The following POP1 variants were observed in gnomAD, a reference collection of about 807,000 sequenced individuals.
POP1 encodes the protein POP1 ribonuclease P/MRP subunit, also known as ribonucleases P/MRP protein subunit POP1.
Under a neutral mutation model 102.2 loss-of-function variants are expected in POP1, and 75 were observed. That is an observed-to-expected ratio of 0.73 (90% CI 0.61 to 0.89). The LOEUF (loss-of-function observed/expected upper bound fraction) is 0.89, where lower values mean the gene tolerates loss of function less well. Among genes scored for constraint, POP1 ranks in the 40% least tolerant of loss-of-function variants. The pLI is 0.00. For synonymous variants in POP1, 436 were observed against 464.1 expected, an observed-to-expected ratio of 0.94 and a Z score of 0.78; for missense variants, 1,116 against 1,267.4, an observed-to-expected ratio of 0.88 and a Z score of 1.81.
At chr8:98,154,520 A>G (rs1044396721) in intron 14 of POP1, among the ~76,000 whole-genome samples, 3 of 152,126 alleles carry the variant, frequency 2.0e-5, no homozygotes, top group African/African-American at 7.2e-5. Flanking sequence ...GTTGGCAGTG[A>G]CCACACCTAA....
At chr8:98,124,121 C>T (rs891817065) in intron 2 of POP1, among the ~76,000 whole-genome samples, 4 of 152,156 alleles carry the variant, frequency 2.6e-5, no homozygotes, top group African/African-American at 7.2e-5. Context: ...CAGGGCAGTA[C>T]AGTGCAGGAA....
chr8:98,130,374 C>G, intron 5 of POP1, 148 bp downstream of exon 5: 3 of 1,181,772 alleles, frequency 2.5e-6, no homozygotes, highest in Non-Finnish European at 3.6e-6. Context: ...GGTCCTTTGC[C>G]AGATGCTGGA....
At chr8:98,137,348 G>T (rs1166284740) in intron 9 of POP1, among the ~76,000 whole-genome samples, 1 of 151,932 alleles carries the variant, frequency 6.6e-6, no homozygotes, top group African/African-American at 2.4e-5. Flanking sequence ...TGTTGCCCAG[G>T]CTGGAATGCA....
chr8:98,140,859 A>C lies in POP1; in HGVS notation c.1565A>C (p.Lys522Thr). 6.2e-7 allele frequency: 1 copy of C among 1,614,090 alleles called. No individual in the cohort carries two copies. Among genetic ancestry groups the C allele is most frequent in the Non-Finnish European group, 8.5e-7 (1 of 1,179,950 alleles). Residue 522 changes from lysine (K) to threonine (T), a missense_variant, in exon 11 of 16, where the codon AAA (lysine) becomes ACA (threonine). Lys to Thr is a moderately conservative substitution (Grantham distance 78). Coordinates refer to ENST00000401707, the MANE Select transcript of POP1 (RefSeq NM_001145860.2). ...ATAAATTTGCCCCAAAAGAAGTCCA[A>C]AGCTTTGCCCAATCCAGAAAAATGC... ...PRINLPQKKS[K>T]ALPNPEKCQD... is the part of the protein sequence containing the mutation.
At chr8:98,128,863 G>A (rs540662932) in intron 4 of POP1, among the ~76,000 whole-genome samples, 40 of 152,268 alleles carry the variant, frequency 2.6e-4, no homozygotes, top group African/African-American at 9.4e-4. Context: ...GGTTGAGGCT[G>A]CAATGAGCTG....
rs1809485835 is a variant in POP1 at position 98,150,479 on chromosome 8, T to G, written c.1903-6T>G. 1.9e-6 allele frequency: 3 copies of G among 1,613,816 alleles called. No homozygotes were observed. The African/African-American group carries it at 4.0e-5, about 22-fold the overall frequency. ...ACTGACAGTATCTTTTTGACATTTC[T>G]TTTAGATTTATCGAGGTGTGAGAGT... On this transcript the variant is annotated splice_polypyrimidine_tract_variant and splice_region_variant and intron_variant, in intron 13 of 15. Coordinates refer to ENST00000401707, the MANE Select transcript of POP1 (RefSeq NM_001145860.2).
intron 2 of POP1, among the ~76,000 whole-genome samples, chr8:98,127,031 G>A (rs1002627140): frequency 9.2e-5 from 14 of 152,014 alleles, no homozygotes; most frequent in African/African-American, 3.4e-4. Context: ...ATGAAGGAGC[G>A]GGCAGGTTTG....
intron 1 of POP1, among the ~76,000 whole-genome samples, chr8:98,121,883 C>G (rs1563769071): frequency 6.6e-6 from 1 of 151,940 alleles, no homozygotes; most frequent in East Asian, 1.9e-4. Context: ...GACGGGGTTT[C>G]ACTGTGTTAG....
intron 10 of POP1, 138 bp downstream of exon 10, chr8:98,140,327 G>A: frequency 4.1e-6 from 3 of 723,992 alleles, no homozygotes. Flanking sequence ...GTAAGAGAGG[G>A]ACTGAACTCA....
intron 6 of POP1, 92 bp downstream of exon 6, chr8:98,134,128 A>G: frequency 1.0e-6 from 1 of 963,636 alleles, no homozygotes; most frequent in East Asian, 2.5e-5. Context: ...TTGGAATTCA[A>G]ACATATAGAA....
Position 98,150,473 on chromosome 8 carries a change from C to G in POP1, c.1903-12C>G, listed in dbSNP as rs1425628188. The stretch of plus-strand genomic sequence containing the variant: ...TGGTAGACTGACAGTATCTTTTTGA[C>G]ATTTCTTTTAGATTTATCGAGGTGT... On this transcript the variant is annotated splice_polypyrimidine_tract_variant and intron_variant, in intron 13 of 15. Transcript: ENST00000401707. The G allele has an allele frequency of 1.2e-6, 2 of 1,613,624 alleles. No individual in the cohort carries two copies. Among genetic ancestry groups the G allele is most frequent in the South Asian group, 2.2e-5 (2 of 91,078 alleles).
chr8:98,157,539 A>G lies in POP1; in HGVS notation c.2421-78A>G, dbSNP rs982569776. The G allele has an allele frequency of 4.7e-6, 7 of 1,486,904 alleles. No homozygotes were observed. In the African/African-American group the frequency reaches 9.7e-5, roughly 21 times the overall value. The allele number at this position is 1,486,904 out of a possible 1,614,324, so 92.1% of individuals were successfully genotyped here. A position where few individuals can be genotyped will look rare whatever the true frequency, so the allele number is the denominator to read the frequency against. ...AGTATAAAAGAATCAAATTAATTCT[A>G]GCAGTGTCTAATCTTCTGATTGCAT... On this transcript the variant is annotated intron_variant, in intron 15 of 15. Transcript: ENST00000401707.
chr8:98,132,985 G>A (rs1407605483), intron 5 of POP1, among the ~76,000 whole-genome samples: 3 of 148,142 alleles, frequency 2.0e-5, no homozygotes, highest in African/African-American at 7.5e-5. Context: ...GGCTGAGGCA[G>A]GAGGATTGCT....
chr8:98,121,185 A>G (rs907759129), intron 1 of POP1, among the ~76,000 whole-genome samples: 1 of 152,240 alleles, frequency 6.6e-6, no homozygotes, highest in Non-Finnish European at 1.5e-5. Context: ...AAGTGTAAAG[A>G]AGGAATTTGA....
chr8:98,133,166 G>GT (rs981818318), intron 5 of POP1, among the ~76,000 whole-genome samples: 2 of 152,062 alleles, frequency 1.3e-5, no homozygotes, highest in Non-Finnish European at 2.9e-5. Flanking sequence ...TCTGTGAGCT[G>GT]TGATTGCGCC....
At chr8:98,140,606 C>T (rs1364979873) in intron 10 of POP1, among the ~76,000 whole-genome samples, 163 bp from the exon 11 acceptor site, 1 of 152,094 alleles carries the variant, frequency 6.6e-6, no homozygotes, top group Admixed American at 6.5e-5. Context: ...TGAATGTTAA[C>T]TTATTCTCTA....
At chr8:98,122,256 A>C (rs578138380) in intron 1 of POP1, among the ~76,000 whole-genome samples, 3 of 152,294 alleles carry the variant, frequency 2.0e-5, no homozygotes, top group Admixed American at 2.0e-4. Flanking sequence ...AATTTGGAAA[A>C]TTACGTCATT....
At position 98,146,496 on chromosome 8, in the gene POP1, T is replaced by C. The variant is rs1816846016; in HGVS notation, c.1595-72T>C. 4.5e-5 allele frequency: 47 copies of C among 1,052,416 alleles called. 2 individuals are homozygous for C. In the South Asian group the frequency reaches 5.8e-4, roughly 13 times the overall value. The allele number at this position is 1,052,416 out of a possible 1,614,324, so 65.2% of individuals were successfully genotyped here. A position where few individuals can be genotyped will look rare whatever the true frequency, so the allele number is the denominator to read the frequency against. On this transcript the variant is annotated intron_variant, in intron 11 of 15. Coordinates refer to ENST00000401707, the MANE Select transcript of POP1 (RefSeq NM_001145860.2). ...ATATTGTTTTGTAACAAAAGGCCTATTGCCAATGTTTGGAGTTTGACTTCA... is the reference window on the plus strand; with the variant it reads ...ATATTGTTTTGTAACAAAAGGCCTACTGCCAATGTTTGGAGTTTGACTTCA...
intron 5 of POP1, 42 bp from the exon 6 acceptor site, chr8:98,133,907 G>A (rs1420172157): frequency 6.7e-7 from 1 of 1,489,758 alleles, no homozygotes; most frequent in Admixed American, 1.7e-5. Context: ...TTTTGCCTGT[G>A]TAAATTCCTA....
Sources: gnomAD v4.1 joint callset for allele counts (sites outside exome capture counted in the v4.1 genomes callset) on GRCh38, gnomAD v4.1.1 for gene constraint, MANE v1.5 for transcripts, NCBI Gene and HGNC (gene_info 2026-07-23, HGNC 2026-07-21) for gene names.